Variants in TPM1 observed in about 807,000 individuals in gnomAD.
The protein encoded by TPM1 is tropomyosin alpha-1 chain.
Under a neutral mutation model 42.9 loss-of-function variants are expected in TPM1, and 24 were observed. That is an observed-to-expected ratio of 0.56 (90% CI 0.41 to 0.79). TPM1 has a LOEUF of 0.79. Ranked by LOEUF, TPM1 falls within the 30% of genes least tolerant of loss-of-function variation. TPM1 has a pLI of 0.00. For missense variants in TPM1, 158 were observed against 351.8 expected, an observed-to-expected ratio of 0.45 and a Z score of 4.41; for synonymous variants, 136 against 130.1, an observed-to-expected ratio of 1.05 and a Z score of -0.31.
At chr15:63,048,620 G>C in intron 2 of TPM1, 1 of 1,535,048 alleles carries the variant, frequency 6.5e-7, no homozygotes, top group Non-Finnish European at 8.8e-7. Context: ...GGAAGATCCG[G>C]AGCCTGCAGG....
chr15:63,069,759 G>A (rs1251704236), downstream of TPM1: 5 of 1,354,034 alleles, frequency 3.7e-6, no homozygotes, highest in African/African-American at 7.2e-5. Context: ...GTGACCAGTT[G>A]CTGTCCTGCT....
downstream of TPM1, chr15:63,070,574 A>G: frequency 9.9e-7 from 1 of 1,009,324 alleles, no homozygotes; most frequent in Non-Finnish European, 1.2e-6. Flanking sequence ...TGAAGTGTGC[A>G]TGAAACATGT....
At chr15:63,051,781 C>A (rs576090717) in intron 2 of TPM1, among the ~76,000 whole-genome samples, 4 of 152,188 alleles carry the variant, frequency 2.6e-5, no homozygotes, top group African/African-American at 9.6e-5. Context: ...TTCTTAATAA[C>A]CTTAACTGGA....
chr15:63,059,828 C>T (rs2035356761), intron 4 of TPM1, 148 bp downstream of exon 4: 9 of 581,224 alleles, frequency 1.5e-5, no homozygotes, highest in Non-Finnish European at 2.9e-5. Context: ...CCTTTGTGTC[C>T]AGAAAACGGT....
At chr15:63,061,273 G>A in intron 5 of TPM1, 1 of 1,614,180 alleles carries the variant, frequency 6.2e-7, no homozygotes, top group Non-Finnish European at 8.5e-7. Context: ...CAGAGGATAA[G>A]GTACTGATGG....
intron 2 of TPM1, chr15:63,048,905 A>T (rs970147960): frequency 8.5e-6 from 6 of 709,166 alleles, no homozygotes; most frequent in Non-Finnish European, 1.2e-5. Flanking sequence ...TTTGTTTTCC[A>T]TCTCGCTGAT....
At chr15:63,044,177 C>A in intron 2 of TPM1, 25 bp downstream of exon 2, 3 of 1,614,158 alleles carry the variant, frequency 1.9e-6, no homozygotes, top group Non-Finnish European at 2.5e-6. Flanking sequence ...ACACTGCTTC[C>A]CTCACCTCTT....
intron 5 of TPM1, chr15:63,061,455 C>T (rs1007514344): frequency 3.1e-5 from 24 of 763,186 alleles, no homozygotes; most frequent in Non-Finnish European, 5.2e-5. Context: ...CATAAATGCT[C>T]TTTGGGCAGC....
chr15:63,051,515 G>A (rs1166255483), intron 2 of TPM1, among the ~76,000 whole-genome samples: 2 of 152,012 alleles, frequency 1.3e-5, no homozygotes, highest in East Asian at 1.9e-4. Context: ...ATCCATGGGA[G>A]TGCCCCTTAA....
chr15:63,059,692 G>T lies in TPM1; in HGVS notation c.492+12G>T. 6.3e-7 allele frequency: 1 copy of T among 1,591,602 alleles called. No individual in the cohort carries two copies. Among genetic ancestry groups the T allele is most frequent in the Non-Finnish European group, 8.6e-7 (1 of 1,162,110 alleles). ...GCAAATATGAAGAGGTCAGATCCTG[G>T]GGCCCAAAGCCTTGTGGACACCCAG... is the stretch of plus-strand genomic sequence containing the variant. On this transcript the variant is annotated intron_variant, in intron 4 of 9. Transcript: ENST00000403994.
chr15:63,043,484 T>G (rs1252547192), intron 1 of TPM1: 1 of 742,798 alleles, frequency 1.3e-6, no homozygotes. Flanking sequence ...TTGAGCCCGC[T>G]GAGACCTCGG....
rs1555403374 is a variant in TPM1 at position 63,044,056 on chromosome 15, G to A, written c.144G>A (p.Lys48=). 4 of 1,614,088 alleles carry A rather than the reference G, an allele frequency of 2.5e-6. No homozygotes were observed. The highest frequency in any genetic ancestry group is 3.4e-6 in the Non-Finnish European group (4 of 1,180,022). The change falls in exon 2 of 10, where the codon AAG becomes AAA. Residue 48 remains lysine (K), a synonymous_variant. Transcript: ENST00000403994. The part of the protein sequence containing the change: ...QLEDELVSLQ[K]KLKGTEDELD... ...AAGATGAGCTGGTGTCACTGCAAAA[G>A]AAACTCAAGGGCACCGAAGATGAAC...
chr15:63,045,439 G>A (rs916863365), intron 2 of TPM1: 1 of 152,182 alleles, frequency 6.6e-6, no homozygotes, highest in African/African-American at 2.4e-5. Context: ...AACCATATAT[G>A]ACTCTGAGCC....
At chr15:63,070,296 A>G (rs2036536104), downstream of TPM1, 1 of 848,022 alleles carries the variant, frequency 1.2e-6, no homozygotes. Flanking sequence ...GTATGTATAT[A>G]TATATATATA....
chr15:63,060,925 T>C lies in TPM1; in HGVS notation c.549T>C (p.Ala183=), dbSNP rs199476313. The change falls in exon 5 of 10, where the codon GCT becomes GCC. Residue 183 remains alanine, a synonymous_variant. Coordinates refer to ENST00000403994, the MANE Select transcript of TPM1 (RefSeq NM_001018005.2). ...ACCTGGAACGTGCAGAGGAGCGGGCTGAGCTCTCAGAAGGGTAAGCGGGCC... is the reference window on the plus strand; with the variant it reads ...ACCTGGAACGTGCAGAGGAGCGGGCCGAGCTCTCAGAAGGGTAAGCGGGCC... The part of the protein sequence containing the change: ...ESDLERAEER[A]ELSEGKCAEL... 6.8e-6 allele frequency: 11 copies of C among 1,614,154 alleles called. No homozygotes were observed. The highest frequency in any genetic ancestry group is 1.6e-4 in the Middle Eastern group (1 of 6,062).
intron 2 of TPM1, among the ~76,000 whole-genome samples, chr15:63,054,914 C>T (rs1327535037): frequency 6.6e-6 from 1 of 151,810 alleles, no homozygotes; most frequent in Non-Finnish European, 1.5e-5. Flanking sequence ...AGTCTCCCCC[C>T]CACCCTCAAA....
At chr15:63,044,233 A>T in intron 2 of TPM1, 81 bp downstream of exon 2, 1 of 1,608,748 alleles carries the variant, frequency 6.2e-7, no homozygotes, top group South Asian at 1.1e-5. Flanking sequence ...GAGAGCAATG[A>T]AGGAAGTTTA....
At chr15:63,043,589 T>C in intron 1 of TPM1, 1 of 1,492,168 alleles carries the variant, frequency 6.7e-7, no homozygotes, top group Non-Finnish European at 9.0e-7. Flanking sequence ...TCCTTTGCAC[T>C]CCAACTCGGC....
chr15:63,059,479 A>C (rs1400756226), intron 3 of TPM1, 84 bp from the exon 4 acceptor site: 1 of 1,089,030 alleles, frequency 9.2e-7, no homozygotes, highest in South Asian at 1.2e-5. Context: ...ACTTACACTA[A>C]GCCTCACAAG....
Sources: allele counts gnomAD v4.1 joint callset (sites outside exome capture counted in the v4.1 genomes callset), GRCh38; gene constraint gnomAD v4.1.1; transcripts MANE v1.5; gene names NCBI Gene and HGNC (gene_info 2026-07-23, HGNC 2026-07-21).